The following PHTF1 variants were observed in gnomAD, a reference collection of about 807,000 sequenced individuals.
PHTF1 encodes putative homeodomain transcription factor 1, also known as protein PHTF1.
A neutral mutation model predicts 102.4 loss-of-function variants in PHTF1; 88 were observed. That is an observed-to-expected ratio of 0.86 (90% CI 0.72 to 1.03). PHTF1 has a LOEUF of 1.03. Among genes scored for constraint, PHTF1 ranks in the 50% least tolerant of loss-of-function variants. PHTF1 has a pLI of 0.00. For missense variants in PHTF1, 814 were observed against 909.5 expected (o/e 0.89, Z 1.35); for synonymous variants, 289 against 305.2 (o/e 0.95, Z 0.55).
intron 7 of PHTF1, among the ~76,000 whole-genome samples, chr1:113,723,239 G>A (rs1194097709): frequency 6.7e-6 from 1 of 150,024 alleles, no homozygotes; most frequent in African/African-American, 2.5e-5. Context: ...GTAAAGTGGT[G>A]AGATCCTGAC....
chr1:113,733,476 A>G (rs955060108), intron 5 of PHTF1, among the ~76,000 whole-genome samples: 13 of 152,302 alleles, frequency 8.5e-5, no homozygotes, highest in African/African-American at 2.6e-4. Flanking sequence ...AGATGCTATA[A>G]CATATGTCCC....
chr1:113,717,951 G>A (rs959926095), intron 7 of PHTF1, among the ~76,000 whole-genome samples: 3 of 151,958 alleles, frequency 2.0e-5, no homozygotes, highest in African/African-American at 7.3e-5. Flanking sequence ...CAAACCTCAT[G>A]TCCTCACATT....
chr1:113,738,803 G>C lies in PHTF1; in HGVS notation c.103-4C>G. 1.3e-6 allele frequency: 2 copies of C among 1,559,804 alleles called. No homozygotes were observed. Among genetic ancestry groups the C allele is most frequent in the Non-Finnish European group, 1.7e-6 (2 of 1,146,854 alleles). ...TTTTCGGTTTGTTTTTCAAACCCTAGGATAAAACAAAACAAAAATAAAATC... is the reference window on the plus strand; with the variant it reads ...TTTTCGGTTTGTTTTTCAAACCCTACGATAAAACAAAACAAAAATAAAATC... On this transcript the variant is annotated splice_region_variant and splice_polypyrimidine_tract_variant and intron_variant, in intron 3 of 18. Transcript: ENST00000369604.
chr1:113,722,918 T>C (rs1277229484), intron 7 of PHTF1, among the ~76,000 whole-genome samples: 1 of 113,530 alleles, frequency 8.8e-6, no homozygotes, highest in Non-Finnish European at 1.9e-5. Flanking sequence ...AGACTCCATC[T>C]CAAATAAATA....
intron 7 of PHTF1, among the ~76,000 whole-genome samples, chr1:113,720,913 C>T (rs1182516128): frequency 3.3e-5 from 5 of 152,178 alleles, no homozygotes; most frequent in African/African-American, 9.7e-5. Flanking sequence ...AATCTCAATA[C>T]TTGACTTCTG....
chr1:113,729,395 A>G (rs1179507811), intron 5 of PHTF1, among the ~76,000 whole-genome samples: 1 of 152,176 alleles, frequency 6.6e-6, no homozygotes, highest in Non-Finnish European at 1.5e-5. Context: ...AAAATGAACT[A>G]AAAGAGTATA....
intron 5 of PHTF1, among the ~76,000 whole-genome samples, chr1:113,734,263 A>G (rs1655145436): frequency 6.6e-6 from 1 of 152,174 alleles, no homozygotes; most frequent in African/African-American, 2.4e-5. Flanking sequence ...CTGTCTTGAA[A>G]AACAAAATAA....
At chr1:113,737,253 A>C (rs575774830) in intron 5 of PHTF1, among the ~76,000 whole-genome samples, 2 of 152,234 alleles carry the variant, frequency 1.3e-5, no homozygotes, top group African/African-American at 4.8e-5. Flanking sequence ...CTGGAGACAA[A>C]AAGAAGAACA....
chr1:113,750,638 C>G (rs1174880605), intron 3 of PHTF1, among the ~76,000 whole-genome samples: 1 of 150,160 alleles, frequency 6.7e-6, no homozygotes, highest in Non-Finnish European at 1.5e-5. Flanking sequence ...GCAGGCAGAT[C>G]ATGAAATCAA....
chr1:113,736,158 C>T (rs183721936), intron 5 of PHTF1, among the ~76,000 whole-genome samples: 31 of 151,478 alleles, frequency 2.0e-4, no homozygotes, highest in African/African-American at 6.3e-4. Context: ...CTGGCTAACA[C>T]GGTGAAACCC....
rs116176176 is a variant in PHTF1, at chr1:113,699,071, C to T, written c.2142+633G>A. ...TTGGCAAAATTGGCCAGGGTAGCAG[C>T]GCAGTCCCCAGTCAAAGTGCAGCAG... On this transcript the variant is annotated intron_variant, in intron 17 of 18. Coordinates refer to ENST00000369604, the MANE Select transcript of PHTF1 (RefSeq NM_001323043.2). 2.1e-3 allele frequency: 346 copies of T among 162,774 alleles called. 1 individual carries two copies. Among genetic ancestry groups the T allele is most frequent in the African/African-American group, 7.7e-3 (322 of 41,634 alleles). The allele number at this position is 162,774 out of a possible 1,614,324, so 10.1% of individuals were successfully genotyped here. A position where few individuals can be genotyped will look rare whatever the true frequency, so the allele number is the denominator to read the frequency against.
intron 3 of PHTF1, among the ~76,000 whole-genome samples, chr1:113,752,532 C>CTGGGACTACAGG (rs1553236015): frequency 2.0e-5 from 3 of 150,152 alleles, no homozygotes; most frequent in African/African-American, 2.4e-5. Context: ...TCCCCAGTAG[C>CTGGGACTACAGG]CTGCAACCAC....
At chr1:113,716,009 TA>T (rs1156641289) in intron 7 of PHTF1, among the ~76,000 whole-genome samples, 2 of 152,012 alleles carry the variant, frequency 1.3e-5, no homozygotes, top group Non-Finnish European at 2.9e-5. Flanking sequence ...TTACTGACCT[TA>T]AAGAGGCGGT....
chr1:113,703,958 A>G (rs1649730211), intron 15 of PHTF1, 123 bp downstream of exon 15: 1 of 526,238 alleles, frequency 1.9e-6, no homozygotes, highest in Non-Finnish European at 3.4e-6. Flanking sequence ...AAACATCCAA[A>G]ATAGTAAAAA....
intron 3 of PHTF1, among the ~76,000 whole-genome samples, chr1:113,744,443 A>G (rs1033663889): frequency 6.6e-6 from 1 of 152,222 alleles, no homozygotes; most frequent in African/African-American, 2.4e-5. Context: ...CTATTTATAC[A>G]GTCTGGTGCA....
chr1:113,732,357 G>A (rs138021755), intron 5 of PHTF1, among the ~76,000 whole-genome samples: 4 of 152,204 alleles, frequency 2.6e-5, no homozygotes, highest in African/African-American at 4.8e-5. Context: ...TTTGTTGGGC[G>A]TAGTGGCATA....
chr1:113,732,759 C>T (rs1194383482), intron 5 of PHTF1, among the ~76,000 whole-genome samples: 1 of 152,088 alleles, frequency 6.6e-6, no homozygotes, highest in Non-Finnish European at 1.5e-5. Flanking sequence ...CAGTATCTAT[C>T]AACAAGGAAG....
At chr1:113,754,921 T>G (rs1172725633) in intron 3 of PHTF1, among the ~76,000 whole-genome samples, 1 of 152,174 alleles carries the variant, frequency 6.6e-6, no homozygotes, top group Non-Finnish European at 1.5e-5. Flanking sequence ...TTGCTCTTCC[T>G]CTAAACAAGT....
rs1227091194 is a variant in PHTF1 at position 113,751,062 on chromosome 1, GA to G, written c.102+6636del. 3.9e-5 allele frequency among the ~76,000 whole-genome samples: 6 copies of G among 152,204 alleles called. No homozygotes were observed. The East Asian group carries it at 9.6e-4, about 24-fold the overall frequency. ...GAACTGCTTAAGCCCAGGAGTTCAA[GA>G]CCAGCCTAGGCAATGTGGTGAGACC... On this transcript the variant is annotated intron_variant, in intron 3 of 18. Coordinates refer to ENST00000369604, the MANE Select transcript of PHTF1 (RefSeq NM_001323043.2).
Sources: allele counts gnomAD v4.1 joint callset (sites outside exome capture counted in the v4.1 genomes callset), GRCh38; gene constraint gnomAD v4.1.1; transcripts MANE v1.5; gene names NCBI Gene and HGNC (gene_info 2026-07-23, HGNC 2026-07-21).